HIPK3: variants seen among roughly 807,000 people sequenced by gnomAD.
HIPK3 encodes the protein homeodomain interacting protein kinase 3.
A neutral mutation model predicts 124.2 loss-of-function variants in HIPK3; 47 were observed. That is an observed-to-expected ratio of 0.38 (90% CI 0.30 to 0.48). HIPK3 has a LOEUF of 0.48. Among genes scored for constraint, HIPK3 ranks in the 20% least tolerant of loss-of-function variants. The pLI is 0.98. For missense variants in HIPK3, 1,286 were observed against 1,454.3 expected (o/e 0.88, Z 1.88); for synonymous variants, 482 against 515.2 (o/e 0.94, Z 0.87).
At position 33,347,740 on chromosome 11, in the gene HIPK3, C is replaced by T. The variant is rs748963286; in HGVS notation, c.2131C>T (p.Leu711Phe). 9.9e-6 allele frequency: 16 copies of T among 1,613,676 alleles called. No homozygotes were observed. The highest frequency in any genetic ancestry group is 2.7e-5 in the African/African-American group (2 of 74,890). Reference sequence around the variant, plus strand: ...TGAGAGTGTGGCTGGTTCACACAGGCTTGGAGACTGGGGGTAAGCTGAAAA... The same window carrying T: ...TGAGAGTGTGGCTGGTTCACACAGGTTTGGAGACTGGGGGTAAGCTGAAAA... ...TSESVAGSHR[L>F]GDWGKMISCS... Residue 711 changes from leucine to phenylalanine, a missense_variant, in exon 10 of 17, where the codon CTT becomes TTT. By Grantham distance (22) the Leu-to-Phe change is conservative. Around this residue, in one of 3 missense-constraint regions of HIPK3, gnomAD observed 810 missense variants for 864.9 expected, o/e 0.94. Transcript: ENST00000303296.
At chr11:33,299,071 C>A (rs1214619835) in intron 2 of HIPK3, among the ~76,000 whole-genome samples, 1 of 151,654 alleles carries the variant, frequency 6.6e-6, no homozygotes, top group African/African-American at 2.4e-5. Context: ...GGTCTTGAAC[C>A]CCTGACCTCA....
At chr11:33,302,347 T>TTTTTTTTTC (rs1321849637) in intron 2 of HIPK3, among the ~76,000 whole-genome samples, 1 of 145,226 alleles carries the variant, frequency 6.9e-6, no homozygotes, top group Non-Finnish European at 1.5e-5. Context: ...TACTTCTTTT[T>TTTTTTTTTC]TTTTTTTTTG....
intron 2 of HIPK3, 60 bp from the exon 3 acceptor site, chr11:33,328,450 T>G (rs1852873063): frequency 6.5e-7 from 1 of 1,548,082 alleles, no homozygotes; most frequent in Admixed American, 1.7e-5. Context: ...GAATGCCAGT[T>G]GAAATTAGGT....
intron 2 of HIPK3, among the ~76,000 whole-genome samples, chr11:33,309,933 G>T (rs1466507295): frequency 6.6e-6 from 1 of 152,050 alleles, no homozygotes; most frequent in African/African-American, 2.4e-5. Context: ...TGTTGAATTT[G>T]TTTTTTTAAA....
intron 3 of HIPK3, among the ~76,000 whole-genome samples, chr11:33,329,868 A>G (rs957123404): frequency 1.3e-5 from 2 of 152,218 alleles, no homozygotes; most frequent in Non-Finnish European, 2.9e-5. Flanking sequence ...AATGCTAGAA[A>G]TACACCCTTG....
At chr11:33,352,074 CTT>C (rs1853678723) in intron 15 of HIPK3, 62 bp from the exon 16 acceptor site, 14 of 1,477,608 alleles carry the variant, frequency 9.5e-6, no homozygotes, top group Non-Finnish European at 1.3e-5. Context: ...TATCTAAAGA[CTT>C]TGCTAATTTT....
intron 10 of HIPK3, 41 bp downstream of exon 10, chr11:33,347,794 C>G (rs1366458159): frequency 6.2e-7 from 1 of 1,613,108 alleles, no homozygotes; most frequent in Admixed American, 1.7e-5. Flanking sequence ...AGTTTGCAGA[C>G]TAGATCTTGA....
At chr11:33,323,834 G>T (rs1227410921) in intron 2 of HIPK3, among the ~76,000 whole-genome samples, 2 of 152,150 alleles carry the variant, frequency 1.3e-5, no homozygotes, top group Non-Finnish European at 2.9e-5. Context: ...CTAAACTGTT[G>T]TGTTTATGGT....
chr11:33,257,342 C>G, upstream of HIPK3: 12 of 984,368 alleles, frequency 1.2e-5, no homozygotes, highest in Non-Finnish European at 1.4e-5. Flanking sequence ...GTGGCCGAGG[C>G]CGACGAGCGC....
chr11:33,260,393 G>A (rs1425313807), intron 1 of HIPK3, among the ~76,000 whole-genome samples: 1 of 152,210 alleles, frequency 6.6e-6, no homozygotes, highest in Non-Finnish European at 1.5e-5. Flanking sequence ...TGGAAAGGAG[G>A]AAAGGGAAAA....
chr11:33,343,054 G>T (rs1463462759), intron 8 of HIPK3, among the ~76,000 whole-genome samples: 1 of 152,092 alleles, frequency 6.6e-6, no homozygotes. Flanking sequence ...TGGTGATACT[G>T]TACAGAGTAA....
chr11:33,337,005 C>A, intron 3 of HIPK3, 70 bp from the exon 4 acceptor site: 4 of 1,112,502 alleles, frequency 3.6e-6, no homozygotes, highest in Non-Finnish European at 5.3e-6. Context: ...TAACATATAG[C>A]CTAGTGTCTG....
chr11:33,329,455 AC>A (rs1445754047), intron 3 of HIPK3, among the ~76,000 whole-genome samples: 3 of 152,136 alleles, frequency 2.0e-5, no homozygotes, highest in Non-Finnish European at 4.4e-5. Context: ...AATTTAAAGC[AC>A]CTATTACATA....
At position 33,348,617 on chromosome 11, in the gene HIPK3, A is replaced by T. The variant is rs770373389; in HGVS notation, c.2465A>T (p.Glu822Val). ...GKDVEEVSCIETQDNQNSEGE... is the reference protein window; with the variant it reads ...GKDVEEVSCIVTQDNQNSEGE... ...GATGTCGAGGAAGTAAGTTGTATAGAAACACAGGACAATCAGAACTCAGAA... is the reference window on the plus strand; with the variant it reads ...GATGTCGAGGAAGTAAGTTGTATAGTAACACAGGACAATCAGAACTCAGAA... The change falls in exon 13 of 17, where the codon GAA becomes GTA. Residue 822 changes from glutamate to valine, a missense_variant. By Grantham distance (121) the Glu-to-Val change is moderately radical. Around this residue, in one of 3 missense-constraint regions of HIPK3, gnomAD observed 810 missense variants for 864.9 expected, o/e 0.94. Coordinates refer to ENST00000303296, the MANE Select transcript of HIPK3 (RefSeq NM_005734.5). 6.2e-7 allele frequency: 1 copy of T among 1,614,166 alleles called. No individual in the cohort carries two copies. Among genetic ancestry groups the T allele is most frequent in the South Asian group, 1.1e-5 (1 of 91,082 alleles).
intron 2 of HIPK3, among the ~76,000 whole-genome samples, chr11:33,291,559 C>T (rs866320085): frequency 6.6e-6 from 1 of 152,058 alleles, no homozygotes; most frequent in African/African-American, 2.4e-5. Flanking sequence ...GCCAGAAGTA[C>T]GTGCTAAGGG....
At chr11:33,268,100 G>A (rs893344975) in intron 1 of HIPK3, among the ~76,000 whole-genome samples, 39 of 151,840 alleles carry the variant, frequency 2.6e-4, no homozygotes, top group African/African-American at 9.4e-4. Flanking sequence ...AATCTCAGCT[G>A]CTCCGGAGCC....
chr11:33,291,605 A>T (rs1851700185), intron 2 of HIPK3, among the ~76,000 whole-genome samples: 1 of 152,202 alleles, frequency 6.6e-6, no homozygotes, highest in Non-Finnish European at 1.5e-5. Context: ...TTCTAAATTG[A>T]GCTGCTTGAG....
chr11:33,315,563 G>C (rs117071128), intron 2 of HIPK3, among the ~76,000 whole-genome samples: 1 of 152,090 alleles, frequency 6.6e-6, no homozygotes, highest in Admixed American at 6.5e-5. Context: ...AGGTCTTGCT[G>C]TGTTGCCCAG....
chr11:33,312,693 T>TA (rs1201800959), intron 2 of HIPK3, among the ~76,000 whole-genome samples: 1 of 152,216 alleles, frequency 6.6e-6, no homozygotes, highest in African/African-American at 2.4e-5. Flanking sequence ...TAATATGGTT[T>TA]ACAATTTAAA....
Sources: gnomAD v4.1 joint callset for allele counts (sites outside exome capture counted in the v4.1 genomes callset) on GRCh38, gnomAD v4.1.1 for gene constraint, gnomAD v4.1.1 regional missense constraint, MANE v1.5 for transcripts, NCBI Gene and HGNC (gene_info 2026-07-23, HGNC 2026-07-21) for gene names.